IMMP1L: variants seen among roughly 807,000 people sequenced by gnomAD.
IMMP1L encodes mitochondrial inner membrane protease subunit 1.
In IMMP1L, 24 loss-of-function variants were observed where a neutral mutation model predicts 21.8. The ratio of observed to expected loss-of-function variants is 1.10; its 90% CI spans 0.80 to 1.55. The LOEUF (loss-of-function observed/expected upper bound fraction) is 1.55. IMMP1L is among the 40% of genes most tolerant of loss of function. The pLI is 0.00. For synonymous variants in IMMP1L, 46 were observed against 62.8 expected, an observed-to-expected ratio of 0.73 and a Z score of 1.26; for missense variants, 195 against 200.7, an observed-to-expected ratio of 0.97 and a Z score of 0.17.
At chr11:31,437,039 A>C in intron 4 of IMMP1L, 1 of 333,290 alleles carries the variant, frequency 3.0e-6, no homozygotes, top group Non-Finnish European at 6.1e-6. Flanking sequence ...CCTTTAATCT[A>C]ACAAGATCTC....
chr11:31,474,952 A>G (rs559827336), intron 1 of IMMP1L, among the ~76,000 whole-genome samples: 4 of 152,216 alleles, frequency 2.6e-5, no homozygotes, highest in Non-Finnish European at 5.9e-5. Flanking sequence ...TATAGTTTTA[A>G]TAAGCTCCCA....
chr11:31,455,405 A>G (rs1252144712), intron 4 of IMMP1L, among the ~76,000 whole-genome samples: 1 of 152,216 alleles, frequency 6.6e-6, no homozygotes, highest in Non-Finnish European at 1.5e-5. Context: ...TCTCTTCCCC[A>G]TAAGCTCTGT....
At chr11:31,455,216 C>G (rs1052713945) in intron 4 of IMMP1L, among the ~76,000 whole-genome samples, 10 of 152,078 alleles carry the variant, frequency 6.6e-5, no homozygotes. Context: ...AATAAATTTA[C>G]GATGACATTG....
chr11:31,432,619 TATC>T (rs1263116806), intron 5 of IMMP1L, 51 bp from the exon 6 acceptor site: 4 of 1,159,838 alleles, frequency 3.4e-6, no homozygotes, highest in Non-Finnish European at 5.2e-6. Context: ...AATGTTATAG[TATC>T]ATCATATTCC....
intron 2 of IMMP1L, among the ~76,000 whole-genome samples, chr11:31,461,275 C>T (rs1954129993): frequency 6.6e-6 from 1 of 152,118 alleles, no homozygotes; most frequent in South Asian, 2.1e-4. Context: ...CTGAAAAATA[C>T]TAGCATGATG....
chr11:31,507,531 C>T (rs1955813326), intron 1 of IMMP1L, among the ~76,000 whole-genome samples: 1 of 152,026 alleles, frequency 6.6e-6, no homozygotes, highest in African/African-American at 2.4e-5. Flanking sequence ...CCTATAAAAA[C>T]GAATTATACC....
At chr11:31,473,243 A>G (rs996055156) in intron 1 of IMMP1L, among the ~76,000 whole-genome samples, 1 of 151,730 alleles carries the variant, frequency 6.6e-6, no homozygotes, top group Non-Finnish European at 1.5e-5. Flanking sequence ...TAGAGACGGG[A>G]TTTCACCATG....
At chr11:31,464,626 G>A (rs2133677922) in intron 1 of IMMP1L, among the ~76,000 whole-genome samples, 1 of 152,220 alleles carries the variant, frequency 6.6e-6, no homozygotes, top group East Asian at 1.9e-4. Flanking sequence ...TGCAAGGATG[G>A]TTCAACACAT....
rs1682795302 is a variant in IMMP1L at position 31,453,188 on chromosome 11, G to A, written c.321+3072C>T. On this transcript the variant is annotated intron_variant, in intron 4 of 5. Coordinates refer to ENST00000532287, the MANE Select transcript of IMMP1L (RefSeq NM_001304274.2). ...AAACAAACAAACAAAAAAGAACTCT[G>A]GAAAGAATAAAATGATCCCACATCA... 5 of 1,025,152 alleles carry A rather than the reference G, an allele frequency of 4.9e-6. No individual in the cohort carries two copies. The South Asian group carries it at 7.2e-5, about 15-fold the overall frequency. 63.5% of individuals were successfully genotyped at this position (1,025,152 alleles called of 1,614,324 possible).
chr11:31,456,418 T>C (rs1264087258), intron 3 of IMMP1L, 32 bp from the exon 4 acceptor site: 1 of 1,592,144 alleles, frequency 6.3e-7, no homozygotes, highest in Non-Finnish European at 8.6e-7. Flanking sequence ...AATGTCTGTA[T>C]TATTTATTAA....
intron 4 of IMMP1L, among the ~76,000 whole-genome samples, chr11:31,436,145 T>C (rs1351056139): frequency 6.6e-6 from 1 of 152,162 alleles, no homozygotes. Context: ...CAAAGATTAA[T>C]ACATTTATTG....
chr11:31,507,247 T>G (rs2133847012), intron 1 of IMMP1L, among the ~76,000 whole-genome samples: 1 of 151,848 alleles, frequency 6.6e-6, no homozygotes, highest in Non-Finnish European at 1.5e-5. Flanking sequence ...GCCACTGCAC[T>G]CCAGCCCGGG....
At chr11:31,493,870 A>C (rs1430008761) in intron 1 of IMMP1L, among the ~76,000 whole-genome samples, 1 of 152,218 alleles carries the variant, frequency 6.6e-6, no homozygotes, top group Non-Finnish European at 1.5e-5. Flanking sequence ...CTTTGACTCC[A>C]TGTCTCATAT....
intron 4 of IMMP1L, among the ~76,000 whole-genome samples, chr11:31,448,256 C>T (rs536298234): frequency 1.3e-5 from 2 of 152,070 alleles, no homozygotes; most frequent in Non-Finnish European, 2.9e-5. Flanking sequence ...TTGCAGTGAG[C>T]CAAGATTGTG....
At chr11:31,493,509 C>G (rs561350797) in intron 1 of IMMP1L, among the ~76,000 whole-genome samples, 5 of 152,162 alleles carry the variant, frequency 3.3e-5, no homozygotes, top group South Asian at 2.1e-4. Context: ...TGGGTGGGGG[C>G]GTAATCAAAC....
intron 1 of IMMP1L, among the ~76,000 whole-genome samples, chr11:31,480,704 A>G (rs924733269): frequency 5.9e-5 from 9 of 152,098 alleles, no homozygotes; most frequent in African/African-American, 2.2e-4. Context: ...GCCTTTTACA[A>G]TTATGTAGGT....
chr11:31,441,497 T>C (rs1953328198), intron 4 of IMMP1L, among the ~76,000 whole-genome samples: 2 of 152,098 alleles, frequency 1.3e-5, no homozygotes. Context: ...CAAGAACACA[T>C]TTAAACAAAC....
chr11:31,503,088 C>T (rs905676292), intron 1 of IMMP1L, among the ~76,000 whole-genome samples: 1 of 152,116 alleles, frequency 6.6e-6, no homozygotes, highest in South Asian at 2.1e-4. Flanking sequence ...TACTCATTTG[C>T]CCTGGTCAGT....
At chr11:31,471,200 T>C (rs1462560064) in intron 1 of IMMP1L, among the ~76,000 whole-genome samples, 2 of 152,326 alleles carry the variant, frequency 1.3e-5, no homozygotes. Context: ...ACTGTACATA[T>C]GTATCAAAAT....
Sources: gnomAD v4.1 joint callset for allele counts (sites outside exome capture counted in the v4.1 genomes callset) on GRCh38, gnomAD v4.1.1 for gene constraint, MANE v1.5 for transcripts, NCBI Gene and HGNC (gene_info 2026-07-23, HGNC 2026-07-21) for gene names.